The following SYTL2 variants were observed in gnomAD, a reference collection of about 807,000 sequenced individuals.
The protein encoded by SYTL2 is synaptotagmin like 2, also known as synaptotagmin-like protein 2.
SYTL2 carries 165 observed loss-of-function variants against 198.7 expected under a neutral mutation model. The observed-to-expected ratio is 0.83, with a 90% confidence interval of 0.73 to 0.94. The LOEUF (loss-of-function observed/expected upper bound fraction) is 0.94. SYTL2 is among the 40% of genes least tolerant of loss of function. The pLI is 0.00. For synonymous variants in SYTL2, 966 were observed against 917.7 expected (o/e 1.05, Z -0.95); for missense variants, 2,835 against 2,582.8 (o/e 1.10, Z -2.12).
At chr11:85,747,577 T>C (rs1186991431) in intron 3 of SYTL2, among the ~76,000 whole-genome samples, 1 of 152,190 alleles carries the variant, frequency 6.6e-6, no homozygotes, top group Non-Finnish European at 1.5e-5. Flanking sequence ...AATGTTACTA[T>C]TGTAGGCCAC....
the SYTL2 span, among the ~76,000 whole-genome samples, chr11:85,836,844 A>C: frequency 5.9e-5 from 9 of 152,202 alleles, no homozygotes; most frequent in African/African-American, 2.2e-4. Context: ...ACACACACAG[A>C]TACATAGATA....
At chr11:85,776,253 C>G (rs2092449428) in intron 1 of SYTL2, among the ~76,000 whole-genome samples, 1 of 152,130 alleles carries the variant, frequency 6.6e-6, no homozygotes, top group African/African-American at 2.4e-5. Context: ...AATCATGAGC[C>G]AAATAAACCT....
intron 1 of SYTL2, among the ~76,000 whole-genome samples, chr11:85,761,849 C>A (rs752373030): frequency 6.6e-6 from 1 of 152,252 alleles, no homozygotes. Context: ...GGTAGAGTTG[C>A]AGCTTTGCCA....
chr11:85,769,621 C>T lies in SYTL2; in HGVS notation c.-389-11507G>A, dbSNP rs556140556. Among the ~76,000 whole-genome samples, 4 of 152,318 alleles carry T rather than the reference C, an allele frequency of 2.6e-5. No individual in the cohort carries two copies. In the East Asian group the frequency reaches 7.7e-4, roughly 29 times the overall value. On this transcript the variant is annotated intron_variant, in intron 1 of 19. Transcript: ENST00000359152. ...AAAATTAATACACAGTCTGAGGACA[C>T]GATGTTACTTATTCATCTCTGAGTC...
Position 85,798,011 on chromosome 11 carries a change from G to A in SYTL2, c.-390+12943C>T, listed in dbSNP as rs533614422. Among the ~76,000 whole-genome samples the A allele has an allele frequency of 3.7e-5, 5 of 133,954 alleles. No individual in the cohort carries two copies. In the East Asian group the frequency reaches 1.1e-3, roughly 29 times the overall value. The allele number at this position is 133,954 out of a possible 152,430, so 87.9% of individuals were successfully genotyped here. On this transcript the variant is annotated intron_variant, in intron 1 of 19. Coordinates refer to ENST00000359152, the MANE Select transcript of SYTL2 (RefSeq NM_206927.4). The stretch of plus-strand genomic sequence containing the variant: ...TGGGATTACAGGTGCACACCACTAT[G>A]CCAGCTATTTTTTTTTTTTTCATTT...
intron 1 of SYTL2, among the ~76,000 whole-genome samples, chr11:85,774,010 T>C (rs1257725784): frequency 5.4e-5 from 4 of 73,826 alleles, no homozygotes; most frequent in Admixed American, 1.7e-4. Flanking sequence ...GAATAAATTA[T>C]ACACTAAACT....
At chr11:85,748,170 C>T in intron 3 of SYTL2, 102 bp downstream of exon 3, 1 of 1,318,014 alleles carries the variant, frequency 7.6e-7, no homozygotes, top group Non-Finnish European at 1.1e-6. Context: ...AAGTGTACAT[C>T]CAAATGATTT....
Position 85,724,101 on chromosome 11 carries a change from C to G in SYTL2, c.5257G>C (p.Gly1753Arg). 2 of 1,579,890 alleles carry G rather than the reference C, an allele frequency of 1.3e-6. No homozygotes were observed. The highest frequency in any genetic ancestry group is 1.7e-6 in the Non-Finnish European group (2 of 1,169,686). Residue 1753 changes from glycine (G) to arginine (R), a missense_variant, in exon 8 of 20, where the codon GGT becomes CGT. Coordinates refer to ENST00000359152, the MANE Select transcript of SYTL2 (RefSeq NM_206927.4). ...TCTGAAAAATCAGACTCAGAGAAAC[C>G]TTCTTTTTCTTCCTCTTTCTCTTGT... ...MKQEKEEEKE[G>R]FSESDFSDGN...
upstream of SYTL2, among the ~76,000 whole-genome samples, chr11:85,816,047 C>G (rs1042246904): frequency 2.6e-5 from 4 of 152,018 alleles, no homozygotes; most frequent in African/African-American, 7.2e-5. Flanking sequence ...TGCCTGTAAT[C>G]CCAGCTACTC....
intron 1 of SYTL2, among the ~76,000 whole-genome samples, chr11:85,798,149 G>A (rs1204888886): frequency 4.0e-5 from 6 of 151,892 alleles, no homozygotes; most frequent in Non-Finnish European, 8.8e-5. Flanking sequence ...GTGAGCCACT[G>A]CACCCAGCCT....
the SYTL2 span, among the ~76,000 whole-genome samples, chr11:85,850,787 C>T: frequency 6.6e-6 from 1 of 150,854 alleles, no homozygotes; most frequent in Non-Finnish European, 1.5e-5. Context: ...AAATGTCCGA[C>T]AATGATAGAC....
chr11:85,710,476 T>C (rs1360219554), intron 13 of SYTL2, among the ~76,000 whole-genome samples: 1 of 152,236 alleles, frequency 6.6e-6, no homozygotes, highest in Non-Finnish European at 1.5e-5. Context: ...TATGTATGTG[T>C]ATGCACATCT....
At chr11:85,835,880 G>C in the SYTL2 span, among the ~76,000 whole-genome samples, 3 of 152,170 alleles carry the variant, frequency 2.0e-5, no homozygotes, top group African/African-American at 7.2e-5. Flanking sequence ...CAAGGTTTGA[G>C]AAAGAAGGCT....
intron 2 of SYTL2, among the ~76,000 whole-genome samples, chr11:85,755,695 T>C (rs1292195720): frequency 6.6e-6 from 1 of 152,138 alleles, no homozygotes; most frequent in Non-Finnish European, 1.5e-5. Context: ...AGAAACACCT[T>C]CACTCTATTC....
At position 85,709,345 on chromosome 11, in the gene SYTL2, T is replaced by A. The variant is rs185816238; in HGVS notation, c.5901A>T (p.Lys1967Asn). Residue 1967 changes from lysine (K) to asparagine (N), a missense_variant, in exon 14 of 20, where the codon AAA (lysine) becomes AAT (asparagine). Lys to Asn is a moderately conservative substitution (Grantham distance 94). Coordinates refer to ENST00000359152, the MANE Select transcript of SYTL2 (RefSeq NM_206927.4). Reference protein sequence around the residue: ...CKDLAAADVKKQRSDPYVKAY... With the variant: ...CKDLAAADVKNQRSDPYVKAY... ...AATGTACTTACGGGTCTGAACGCTG[T>A]TTTTTTACATCCGCTGCTGCTAAGT... 16 of 1,614,050 alleles carry A rather than the reference T, an allele frequency of 9.9e-6. No homozygotes were observed. Among genetic ancestry groups the A allele is most frequent in the African/African-American group, 1.3e-5 (1 of 75,022 alleles).
intron 1 of SYTL2, among the ~76,000 whole-genome samples, chr11:85,796,384 A>T (rs1021136125): frequency 6.6e-6 from 1 of 152,232 alleles, no homozygotes; most frequent in Non-Finnish European, 1.5e-5. Flanking sequence ...GGGCAGGAAA[A>T]ATGTCCCAAG....
chr11:85,854,060 C>T, the SYTL2 span: 3 of 152,076 alleles, frequency 2.0e-5, no homozygotes, highest in African/African-American at 7.2e-5. Flanking sequence ...TGGTCTCAAA[C>T]TCCTTACCGC....
At chr11:85,770,271 C>G (rs1272593535) in intron 1 of SYTL2, among the ~76,000 whole-genome samples, 1 of 152,174 alleles carries the variant, frequency 6.6e-6, no homozygotes, top group Non-Finnish European at 1.5e-5. Context: ...ATCCTAAAAA[C>G]CAATCATTGC....
intron 1 of SYTL2, among the ~76,000 whole-genome samples, chr11:85,768,840 C>A (rs2092298526): frequency 1.3e-5 from 2 of 152,102 alleles, no homozygotes; most frequent in African/African-American, 4.8e-5. Flanking sequence ...TCTCCTAAAT[C>A]TTTCCATCTT....
Sources: gnomAD v4.1 joint callset for allele counts (sites outside exome capture counted in the v4.1 genomes callset) on GRCh38, gnomAD v4.1.1 for gene constraint, MANE v1.5 for transcripts, NCBI Gene and HGNC (gene_info 2026-07-23, HGNC 2026-07-21) for gene names.